The following PKHD1 variants were observed in gnomAD, a reference collection of about 807,000 sequenced individuals.
PKHD1 encodes PKHD1 ciliary IPT domain containing fibrocystin/polyductin, also known as fibrocystin.
In PKHD1, 291 loss-of-function variants were observed where a neutral mutation model predicts 412.0. The ratio of observed to expected loss-of-function variants is 0.71; its 90% confidence interval spans 0.64 to 0.78. The LOEUF (loss-of-function observed/expected upper bound fraction) is 0.78, where lower values mean the gene tolerates loss of function less well. PKHD1 is among the 30% of genes least tolerant of loss of function. The pLI is 0.00. For synonymous variants in PKHD1, 1,777 were observed against 1,821.5 expected, an observed-to-expected ratio of 0.98 and a Z score of 0.62; for missense variants, 4,825 against 4,950.7, an observed-to-expected ratio of 0.97 and a Z score of 0.76.
At chr6:51,982,188 G>A (rs1168021820) in intron 35 of PKHD1, among the ~76,000 whole-genome samples, 15 of 44,898 alleles carry the variant, frequency 3.3e-4, no homozygotes, top group East Asian at 5.1e-4. Flanking sequence ...AGGGAGGTGG[G>A]GGGGTCAGCC....
intron 37 of PKHD1, among the ~76,000 whole-genome samples, chr6:51,912,934 G>A (rs1783195289): frequency 1.3e-5 from 2 of 152,026 alleles, no homozygotes; most frequent in Admixed American, 1.3e-4. Flanking sequence ...ATGGGCTTCA[G>A]TTTCCTCAGT....
intron 64 of PKHD1, among the ~76,000 whole-genome samples, chr6:51,633,586 G>A (rs1768185403): frequency 6.6e-6 from 1 of 152,166 alleles, no homozygotes; most frequent in Non-Finnish European, 1.5e-5. Flanking sequence ...TTGATAACCT[G>A]TAACAACTAG....
At position 51,659,529 on chromosome 6, in the gene PKHD1, C is replaced by T. The variant is rs746477291; in HGVS notation, c.10597G>A (p.Ala3533Thr). 1.2e-6 allele frequency: 2 copies of T among 1,613,442 alleles called. No individual in the cohort carries two copies. The highest frequency in any genetic ancestry group is 1.7e-6 in the Non-Finnish European group (2 of 1,179,772). ...ASLLLNESIGANYFNIMDNLL... is the reference protein window; with the variant it reads ...ASLLLNESIGTNYFNIMDNLL... ...TTATCCATGATGTTGAAATAGTTGG[C>T]ACCAATAGATTCATTCAGCAATAAG... The change falls in exon 61 of 67, where the codon GCC becomes ACC. Residue 3533 changes from alanine to threonine, a missense_variant. Ala to Thr is a moderately conservative substitution (Grantham distance 58, BLOSUM62 0). Transcript: ENST00000371117.
At chr6:51,665,333 T>C (rs1232332903) in intron 60 of PKHD1, among the ~76,000 whole-genome samples, 1 of 152,180 alleles carries the variant, frequency 6.6e-6, no homozygotes, top group Non-Finnish European at 1.5e-5. Context: ...TTTATAGAGA[T>C]GAAGCTATAT....
At chr6:51,905,374 T>C (rs1781920677) in intron 41 of PKHD1, among the ~76,000 whole-genome samples, 1 of 152,156 alleles carries the variant, frequency 6.6e-6, no homozygotes, top group Non-Finnish European at 1.5e-5. Flanking sequence ...ATGTGGTATA[T>C]AATTTTAAAT....
chr6:51,846,839 T>C (rs1583007473), intron 50 of PKHD1, among the ~76,000 whole-genome samples: 2 of 152,328 alleles, frequency 1.3e-5, no homozygotes, highest in Admixed American at 1.3e-4. Flanking sequence ...GAAGTTTTCC[T>C]TCTCACCTTC....
chr6:52,038,102 C>T (rs1804227402), intron 27 of PKHD1, among the ~76,000 whole-genome samples: 1 of 152,092 alleles, frequency 6.6e-6, no homozygotes, highest in Non-Finnish European at 1.5e-5. Context: ...GGAATTTGGG[C>T]CAGGCGCAGT....
At chr6:51,923,334 T>C (rs545684723) in intron 37 of PKHD1, among the ~76,000 whole-genome samples, 38 of 152,180 alleles carry the variant, frequency 2.5e-4, no homozygotes, top group African/African-American at 9.2e-4. Context: ...GACCACGTGG[T>C]CTCTGTCATA....
At chr6:51,843,564 C>T (rs1582992079) in intron 50 of PKHD1, among the ~76,000 whole-genome samples, 2 of 152,274 alleles carry the variant, frequency 1.3e-5, no homozygotes, top group East Asian at 3.9e-4. Context: ...CATCAAATCG[C>T]ATGAAGGGAA....
chr6:52,006,172 T>TTATA (rs147639455), intron 35 of PKHD1, among the ~76,000 whole-genome samples: 2 of 149,174 alleles, frequency 1.3e-5, no homozygotes, highest in Admixed American at 6.7e-5. Flanking sequence ...CACTAAAAAA[T>TTATA]TATATATATA....
Position 51,775,939 on chromosome 6 carries a change from T to A in PKHD1, c.8441-18A>T. 9.0e-7 allele frequency: 1 copy of A among 1,112,496 alleles called. No individual in the cohort carries two copies. Among genetic ancestry groups the A allele is most frequent in the Non-Finnish European group, 1.4e-6 (1 of 725,574 alleles). 68.9% of individuals were successfully genotyped at this position (1,112,496 alleles called of 1,614,324 possible). On this transcript the variant is annotated intron_variant, in intron 53 of 66. Transcript: ENST00000371117. ...TAAAGTACCTGTTTACAAAGAAAAG[T>A]ATATCATTCAAATCAATTTGAAATT...
chr6:52,011,876 G>T (rs1799875286), intron 34 of PKHD1, among the ~76,000 whole-genome samples: 3 of 152,106 alleles, frequency 2.0e-5, no homozygotes, highest in Admixed American at 2.0e-4. Flanking sequence ...AGATTGTTTG[G>T]GCTGACCACT....
intron 60 of PKHD1, among the ~76,000 whole-genome samples, chr6:51,713,526 C>T (rs183784386): frequency 2.0e-5 from 3 of 152,190 alleles, no homozygotes; most frequent in East Asian, 3.9e-4. Context: ...AAAGATCTGC[C>T]GTGAGTAAGA....
At chr6:52,008,106 C>A (rs1343057141) in intron 35 of PKHD1, among the ~76,000 whole-genome samples, 1 of 152,120 alleles carries the variant, frequency 6.6e-6, no homozygotes, top group African/African-American at 2.4e-5. Flanking sequence ...TCCTCTTTAC[C>A]CCCTCAGGAC....
intron 52 of PKHD1, among the ~76,000 whole-genome samples, chr6:51,799,706 C>A (rs917816829): frequency 6.6e-6 from 1 of 152,164 alleles, no homozygotes; most frequent in Non-Finnish European, 1.5e-5. Flanking sequence ...TCTAAACTGA[C>A]AAATCCTCAG....
At chr6:51,909,221 A>G in intron 40 of PKHD1, 62 bp downstream of exon 40, 1 of 1,160,838 alleles carries the variant, frequency 8.6e-7, no homozygotes. Context: ...TCCACCATGC[A>G]TGTAGTGCCT....
intron 35 of PKHD1, among the ~76,000 whole-genome samples, chr6:51,987,707 A>G (rs546535639): frequency 2.6e-5 from 4 of 152,088 alleles, no homozygotes; most frequent in Non-Finnish European, 5.9e-5. Flanking sequence ...GTCCTCTCAC[A>G]GGAAAGAAGT....
intron 36 of PKHD1, among the ~76,000 whole-genome samples, chr6:51,948,313 A>G (rs1420410696): frequency 6.6e-6 from 1 of 152,118 alleles, no homozygotes; most frequent in Non-Finnish European, 1.5e-5. Context: ...GTCAAAGCCT[A>G]TCAAACCTTA....
At chr6:51,776,444 C>CA (rs1791041785) in intron 53 of PKHD1, among the ~76,000 whole-genome samples, 1 of 151,982 alleles carries the variant, frequency 6.6e-6, no homozygotes, top group African/African-American at 2.4e-5. Context: ...AAGTCTAACA[C>CA]AAATATTTCT....
Sources: gnomAD v4.1 joint callset for allele counts (sites outside exome capture counted in the v4.1 genomes callset) on GRCh38, gnomAD v4.1.1 for gene constraint, MANE v1.5 for transcripts, NCBI Gene and HGNC (gene_info 2026-07-23, HGNC 2026-07-21) for gene names.